ZNF385D: variants seen among roughly 807,000 people sequenced by gnomAD.
ZNF385D encodes the protein zinc finger protein 385D.
A neutral mutation model predicts 35.8 loss-of-function variants in ZNF385D; 15 were observed. That is an observed-to-expected ratio of 0.42 (90% confidence interval 0.28 to 0.64). The LOEUF (loss-of-function observed/expected upper bound fraction) is 0.64, where lower values mean the gene tolerates loss of function less well. Among genes scored for constraint, ZNF385D ranks in the 30% least tolerant of loss-of-function variants. The pLI, the probability that ZNF385D is intolerant of heterozygous loss-of-function variation, is 0.23. For synonymous variants in ZNF385D, 212 were observed against 186.8 expected (o/e 1.13, Z -1.10); for missense variants, 474 against 494.6 (o/e 0.96, Z 0.39).
chr3:22,282,906 G>T (rs1025221546), intron 2 of ZNF385D, among the ~76,000 whole-genome samples: 2 of 151,984 alleles, frequency 1.3e-5, no homozygotes, highest in Admixed American at 1.3e-4. Context: ...GAATGGATAA[G>T]AATTCACCAA....
chr3:21,811,657 T>C (rs747806293), intron 3 of ZNF385D, among the ~76,000 whole-genome samples: 31 of 152,322 alleles, frequency 2.0e-4, no homozygotes, highest in Non-Finnish European at 4.0e-4. Flanking sequence ...CTATACTGTA[T>C]AAACTGTATA....
intron 3 of ZNF385D, among the ~76,000 whole-genome samples, chr3:21,967,154 G>T (rs145063108): frequency 6.6e-6 from 1 of 152,102 alleles, no homozygotes; most frequent in Non-Finnish European, 1.5e-5. Flanking sequence ...ATCTAGATGT[G>T]ATGTAATGGT....
At chr3:21,758,248 T>C (rs923932886) in intron 3 of ZNF385D, among the ~76,000 whole-genome samples, 5 of 152,200 alleles carry the variant, frequency 3.3e-5, no homozygotes, top group African/African-American at 2.4e-5. Flanking sequence ...TCAAGGAAAA[T>C]ATTAGATGTT....
At chr3:22,140,113 C>T (rs773242707) in intron 3 of ZNF385D, among the ~76,000 whole-genome samples, 8 of 152,122 alleles carry the variant, frequency 5.3e-5, no homozygotes, top group South Asian at 2.1e-4. Flanking sequence ...CCTAGAGAAA[C>T]GAAAATTTAT....
intron 2 of ZNF385D, among the ~76,000 whole-genome samples, chr3:22,332,338 T>C (rs1309728695): frequency 6.6e-6 from 1 of 152,174 alleles, no homozygotes; most frequent in African/African-American, 2.4e-5. Flanking sequence ...CCAGATGGCC[T>C]CAAAGAGGGC....
intron 3 of ZNF385D, among the ~76,000 whole-genome samples, chr3:21,954,185 C>G (rs1435511402): frequency 2.6e-5 from 4 of 151,768 alleles, no homozygotes; most frequent in Non-Finnish European, 5.9e-5. Context: ...TAATAATTCT[C>G]TCTGTACCTC....
intron 2 of ZNF385D, among the ~76,000 whole-genome samples, chr3:22,267,186 G>C (rs144563469): frequency 8.1e-4 from 123 of 151,988 alleles, no homozygotes; most frequent in African/African-American, 2.9e-3. Flanking sequence ...CTATGAGAAA[G>C]AGTATTTGAG....
At chr3:21,945,593 T>C (rs1223115640) in intron 3 of ZNF385D, among the ~76,000 whole-genome samples, 1 of 152,220 alleles carries the variant, frequency 6.6e-6, no homozygotes, top group Non-Finnish European at 1.5e-5. Flanking sequence ...ACAAATGTTT[T>C]TTTCTGGACT....
chr3:22,303,598 C>T (rs1703037820), intron 2 of ZNF385D, among the ~76,000 whole-genome samples: 1 of 152,028 alleles, frequency 6.6e-6, no homozygotes, highest in Non-Finnish European at 1.5e-5. Flanking sequence ...TTTTCTGTGC[C>T]AGGAGAGTTC....
intron 2 of ZNF385D, among the ~76,000 whole-genome samples, chr3:22,264,508 T>C (rs1037385621): frequency 6.6e-6 from 1 of 151,984 alleles, no homozygotes; most frequent in East Asian, 1.9e-4. Flanking sequence ...TGACCAAAGA[T>C]CCTAACATGT....
chr3:21,562,990 C>A (rs2125642910), intron 3 of ZNF385D, among the ~76,000 whole-genome samples: 3 of 152,218 alleles, frequency 2.0e-5, no homozygotes, highest in Middle Eastern at 3.4e-3. Flanking sequence ...TTGGTATATT[C>A]TTTTTGGTTT....
At chr3:22,170,540 A>C (rs551209866) in intron 2 of ZNF385D, among the ~76,000 whole-genome samples, 1 of 152,290 alleles carries the variant, frequency 6.6e-6, no homozygotes, top group African/African-American at 2.4e-5. Context: ...TAATTCATTT[A>C]AAATATATTA....
intron 2 of ZNF385D, 129 bp downstream of exon 2, chr3:21,664,757 A>G (rs1013950092): frequency 7.8e-7 from 1 of 1,276,548 alleles, no homozygotes; most frequent in African/African-American, 1.5e-5. Flanking sequence ...TAACTTCATT[A>G]TGGCTTCTAG....
At chr3:21,771,460 AATAGAAATGT>A (rs1183969408) in intron 3 of ZNF385D, among the ~76,000 whole-genome samples, 2 of 152,038 alleles carry the variant, frequency 1.3e-5, no homozygotes, top group African/African-American at 4.8e-5. Flanking sequence ...CATAAAAAGG[AATAGAAATGT>A]ATGGAACATT....
At chr3:22,324,475 A>G (rs1202364564) in intron 2 of ZNF385D, among the ~76,000 whole-genome samples, 1 of 152,136 alleles carries the variant, frequency 6.6e-6, no homozygotes, top group Non-Finnish European at 1.5e-5. Context: ...TAGCAACACA[A>G]AAGTATAAAT....
intron 1 of ZNF385D, among the ~76,000 whole-genome samples, chr3:21,749,412 G>A (rs1459852642): frequency 2.0e-5 from 3 of 152,136 alleles, no homozygotes; most frequent in African/African-American, 7.2e-5. Context: ...TTTCAAGAGG[G>A]TGAAAATATA....
At chr3:22,236,986 T>C (rs985472421) in intron 2 of ZNF385D, among the ~76,000 whole-genome samples, 4 of 152,344 alleles carry the variant, frequency 2.6e-5, no homozygotes, top group Middle Eastern at 6.8e-3. Context: ...AATGCTGCTA[T>C]GAATATTTAT....
chr3:21,864,103 A>G (rs2620535), intron 3 of ZNF385D, among the ~76,000 whole-genome samples: 37,138 of 151,992 alleles, frequency 0.24, 4,705 homozygotes, highest in Middle Eastern at 0.41. Flanking sequence ...ATAGTTGTGT[A>G]TTCAGTTTGT....
intron 1 of ZNF385D, among the ~76,000 whole-genome samples, chr3:21,668,763 G>A (rs917566697): frequency 6.6e-6 from 1 of 152,032 alleles, no homozygotes; most frequent in African/African-American, 2.4e-5. Context: ...ATCAAAACCG[G>A]CAAATATAAT....
Sources: gnomAD v4.1 joint callset for allele counts (sites outside exome capture counted in the v4.1 genomes callset) on GRCh38, gnomAD v4.1.1 for gene constraint, MANE v1.5 for transcripts, NCBI Gene and HGNC (gene_info 2026-07-23, HGNC 2026-07-21) for gene names.